The following KBTBD12 variants were observed in gnomAD, a reference collection of about 807,000 sequenced individuals.
KBTBD12 encodes the protein kelch repeat and BTB domain-containing protein 12.
In KBTBD12, 53 loss-of-function variants were observed where a neutral mutation model predicts 58.7. That is an observed-to-expected ratio of 0.90 (90% CI 0.72 to 1.14). The LOEUF is 1.14. Among genes scored for constraint, KBTBD12 ranks in the 50% most tolerant of loss-of-function variants. The probability of loss-of-function intolerance (pLI) is 0.00; values close to 1 mark genes in which losing one functional copy is unlikely to be tolerated. For synonymous variants in KBTBD12, 236 were observed against 259.8 expected (o/e 0.91, Z 0.88); for missense variants, 704 against 751.3 (o/e 0.94, Z 0.74).
At chr3:127,971,689 C>T (rs1162879346) in intron 5 of KBTBD12, among the ~76,000 whole-genome samples, 1 of 152,184 alleles carries the variant, frequency 6.6e-6, no homozygotes. Flanking sequence ...TGTTTCTCCA[C>T]TTCAACTCTA....
In KBTBD12 at chr3:127,918,315, G is replaced by A. The variant is rs550876607; in HGVS notation, c.-113+2729G>A. ...CACAGGCAAGAAAGCAAAGGGATGC[G>A]TCAGTGAGGAAGTGATATCTGAGCT... is the stretch of plus-strand genomic sequence containing the variant. On this transcript the variant is annotated intron_variant, in intron 1 of 5. Coordinates refer to ENST00000405109, the MANE Select transcript of KBTBD12 (RefSeq NM_207335.4). Among the ~76,000 whole-genome samples, 23 of 152,322 alleles carry A rather than the reference G, an allele frequency of 1.5e-4. No homozygotes were observed. In the South Asian group the frequency reaches 4.1e-3, roughly 27 times the overall value.
intron 4 of KBTBD12, among the ~76,000 whole-genome samples, chr3:127,953,308 C>T (rs1221960035): frequency 1.3e-5 from 2 of 152,212 alleles, no homozygotes; most frequent in African/African-American, 4.8e-5. Context: ...ATTCTGTCCT[C>T]ATGCGTTGGG....
At chr3:127,942,702 C>CTATATATA (rs58969843) in intron 4 of KBTBD12, among the ~76,000 whole-genome samples, 1 of 142,484 alleles carries the variant, frequency 7.0e-6, no homozygotes, top group Non-Finnish European at 1.5e-5. Flanking sequence ...ATATATATAA[C>CTATATATA]TATATATATA....
Position 127,923,839 on chromosome 3 carries a change from C to G in KBTBD12, c.778C>G (p.Pro260Ala). 6.2e-7 allele frequency: 1 copy of G among 1,613,932 alleles called. No homozygotes were observed. The highest frequency in any genetic ancestry group is 2.2e-5 in the East Asian group (1 of 44,878). ...IQNAFKAIKTPQQHSLNLRYG... is the reference protein window; with the variant it reads ...IQNAFKAIKTAQQHSLNLRYG... ...AAATGCATTCAAAGCCATCAAGACA[C>G]CCCAACAGCACTCTCTAAATCTGCG... Residue 260 changes from proline to alanine, a missense_variant, in exon 2 of 6, where the codon CCC (proline) becomes GCC (alanine). Transcript: ENST00000405109.
chr3:127,974,754 G>A (rs769122488), intron 5 of KBTBD12, among the ~76,000 whole-genome samples: 8 of 152,192 alleles, frequency 5.3e-5, no homozygotes, highest in East Asian at 1.9e-4. Context: ...TTGGGAGGCC[G>A]AGGCTGGGGG....
At chr3:127,964,001 A>T (rs969885509) in intron 5 of KBTBD12, among the ~76,000 whole-genome samples, 4 of 152,170 alleles carry the variant, frequency 2.6e-5, no homozygotes, top group East Asian at 3.9e-4. Flanking sequence ...ACCTTTTTCC[A>T]TATATCTAAT....
intron 5 of KBTBD12, among the ~76,000 whole-genome samples, chr3:127,975,202 G>C (rs372294382): frequency 1.3e-5 from 2 of 152,296 alleles, no homozygotes; most frequent in Admixed American, 1.3e-4. Context: ...AATTCTGGGA[G>C]GCAGTGTAGA....
intron 3 of KBTBD12, among the ~76,000 whole-genome samples, chr3:127,928,365 A>G (rs1480105246): frequency 6.6e-6 from 1 of 152,194 alleles, no homozygotes; most frequent in East Asian, 1.9e-4. Context: ...CTGGATCCTC[A>G]TCCAGTTCTG....
At chr3:127,939,028 A>C (rs1257755539) in intron 4 of KBTBD12, among the ~76,000 whole-genome samples, 10 of 152,214 alleles carry the variant, frequency 6.6e-5, no homozygotes, top group Non-Finnish European at 1.5e-5. Context: ...GCACAGAGAG[A>C]GCTCCAAGAA....
intron 4 of KBTBD12, among the ~76,000 whole-genome samples, chr3:127,934,841 T>C (rs151107625): frequency 7.9e-5 from 12 of 152,188 alleles, no homozygotes; most frequent in Non-Finnish European, 1.2e-4. Flanking sequence ...TAAGGTGAAA[T>C]AGACATCCCA....
At chr3:127,931,322 A>G (rs912526263) in intron 4 of KBTBD12, among the ~76,000 whole-genome samples, 4 of 152,172 alleles carry the variant, frequency 2.6e-5, no homozygotes, top group African/African-American at 4.8e-5. Context: ...AATAACAAGA[A>G]TATTACACAA....
At chr3:127,982,080 C>T (rs928120976) in intron 5 of KBTBD12, among the ~76,000 whole-genome samples, 1 of 152,196 alleles carries the variant, frequency 6.6e-6, no homozygotes, top group Non-Finnish European at 1.5e-5. Flanking sequence ...CTGTGTCCTT[C>T]CAGGCTGGCC....
intron 4 of KBTBD12, among the ~76,000 whole-genome samples, chr3:127,944,649 T>G (rs1010825425): frequency 1.3e-5 from 2 of 152,194 alleles, no homozygotes; most frequent in African/African-American, 4.8e-5. Context: ...CTTTCCAGTG[T>G]GGGTGGCTTT....
intron 4 of KBTBD12, among the ~76,000 whole-genome samples, chr3:127,947,845 T>C (rs1309726783): frequency 1.3e-5 from 2 of 152,156 alleles, no homozygotes; most frequent in Non-Finnish European, 2.9e-5. Flanking sequence ...AGCAAATCCC[T>C]CAAGGGCAGA....
intron 5 of KBTBD12, among the ~76,000 whole-genome samples, chr3:127,966,019 G>A (rs756150704): frequency 1.6e-4 from 24 of 152,214 alleles, no homozygotes; most frequent in Non-Finnish European, 3.5e-4. Flanking sequence ...AAGACAGGAA[G>A]ACCCCTAATT....
intron 4 of KBTBD12, among the ~76,000 whole-genome samples, chr3:127,934,583 T>A (rs956734596): frequency 2.6e-5 from 4 of 152,124 alleles, no homozygotes; most frequent in Admixed American, 2.0e-4. Flanking sequence ...TCAGACCTCA[T>A]GTAGGATAAA....
chr3:127,930,769 C>T (rs1576374240), intron 4 of KBTBD12, among the ~76,000 whole-genome samples: 1 of 152,174 alleles, frequency 6.6e-6, no homozygotes, highest in Non-Finnish European at 1.5e-5. Context: ...GCACTTTTTT[C>T]TTATGTGTGT....
Position 127,963,336 on chromosome 3 carries a change from C to G in KBTBD12, c.1640C>G (p.Ala547Gly). 6.2e-7 allele frequency: 1 copy of G among 1,612,128 alleles called. No individual in the cohort carries two copies. Among genetic ancestry groups the G allele is most frequent in the South Asian group, 1.1e-5 (1 of 90,366 alleles). Residue 547 changes from alanine (A) to glycine (G), a missense_variant, in exon 5 of 6, where the codon GCA becomes GGA. By Grantham distance (60) the Ala-to-Gly change is moderately conservative (BLOSUM62 0). Transcript: ENST00000405109. ...LLSLRTNSTN[A>G]GAVDGKLYVC... ...TCACTCCGCACCAATTCCACCAATG[C>G]AGGGGCAGTGGATGGGAAACTCTAT...
At chr3:127,945,653 G>T (rs1008010742) in intron 4 of KBTBD12, among the ~76,000 whole-genome samples, 3 of 148,438 alleles carry the variant, frequency 2.0e-5, no homozygotes, top group Admixed American at 6.7e-5. Flanking sequence ...TTTTTGTTGA[G>T]TCTGAACTGG....
Sources: allele counts gnomAD v4.1 joint callset (sites outside exome capture counted in the v4.1 genomes callset), GRCh38; gene constraint gnomAD v4.1.1; transcripts MANE v1.5; gene names NCBI Gene and HGNC (gene_info 2026-07-23, HGNC 2026-07-21).